The following HID1 variants were observed in gnomAD, a reference collection of about 807,000 sequenced individuals.
HID1 encodes protein HID1.
Under a neutral mutation model 89.7 loss-of-function variants are expected in HID1, and 42 were observed. That is an observed-to-expected ratio of 0.47 (90% CI 0.37 to 0.61). HID1 has a LOEUF of 0.61. Among genes scored for constraint, HID1 ranks in the 20% least tolerant of loss-of-function variants. The pLI, the probability that HID1 is intolerant of heterozygous loss-of-function variation, is 0.00. For missense variants in HID1, 854 were observed against 1,039.3 expected (o/e 0.82, Z 2.45); for synonymous variants, 442 against 433.8 (o/e 1.02, Z -0.24).
In HID1 at chr17:74,958,202, G is replaced by A. The variant is rs1347209901; in HGVS notation, c.1410C>T (p.Ile470=). Residue 470 remains isoleucine (I), a synonymous_variant, in exon 12 of 19, where the codon ATC becomes ATT. Transcript: ENST00000425042. This position sits in a 1 kb window ranked among gnomAD's most constrained non-coding sequence, Gnocchi z 5.2. ...DLLIVVFHKI[I]TSGHQRLQPL... is the part of the protein sequence containing the mutation. ...GCTGCAACCGCTGGTGCCCGCTGGTGATGATCTTGTGGAACACCTGTGCCA... is the reference window on the plus strand; with the variant it reads ...GCTGCAACCGCTGGTGCCCGCTGGTAATGATCTTGTGGAACACCTGTGCCA... 1.9e-6 allele frequency: 3 copies of A among 1,611,248 alleles called. No homozygotes were observed. Among genetic ancestry groups the A allele is most frequent in the Non-Finnish European group, 1.7e-6 (2 of 1,179,028 alleles).
In HID1 at chr17:74,952,062, C is replaced by T; in HGVS notation, c.2146G>A (p.Gly716Ser). Residue 716 changes from glycine (G) to serine (S), a missense_variant and splice_region_variant, in exon 18 of 19, where the codon GGC (glycine) becomes AGC (serine). Coordinates refer to ENST00000425042, the MANE Select transcript of HID1 (RefSeq NM_030630.3). ...AGGATCTCAGACTCATCCGTCAGGC[C>T]CCTGCGGGGAGAGGGGTATCTCCAG... Reference protein sequence around the residue: ...PQVEKICIDKGLTDESEILRF... With the variant: ...PQVEKICIDKSLTDESEILRF... The T allele has an allele frequency of 6.4e-7, 1 of 1,556,314 alleles. No homozygotes were observed. Among genetic ancestry groups the T allele is most frequent in the South Asian group, 1.2e-5 (1 of 84,464 alleles).
At position 74,951,922 on chromosome 17, in the gene HID1, C is replaced by A; in HGVS notation, c.2286G>T (p.Trp762Cys). ...GTAMWFRTYM[W>C]GVIYLRNVDP... ...GGGCCCACCTCAGATAGATGACGCCCCACATGTAGGTGCGGAACCACATGG... is the reference window on the plus strand; with the variant it reads ...GGGCCCACCTCAGATAGATGACGCCACACATGTAGGTGCGGAACCACATGG... Residue 762 changes from tryptophan (W) to cysteine (C), a missense_variant, in exon 18 of 19, where the codon TGG becomes TGT. Trp to Cys is a radical substitution (Grantham distance 215). Transcript: ENST00000425042. 1 of 1,536,440 alleles carries A rather than the reference C, an allele frequency of 6.5e-7. No homozygotes were observed. Among genetic ancestry groups the A allele is most frequent in the East Asian group, 2.3e-5 (1 of 43,256 alleles).
chr17:74,955,421 A>G (rs1361758379), intron 13 of HID1, among the ~76,000 whole-genome samples: 2 of 152,130 alleles, frequency 1.3e-5, no homozygotes, highest in Admixed American at 1.3e-4. Flanking sequence ...GAATTGCATG[A>G]ACCTGGGAGA....
intron 1 of HID1, 85 bp from the exon 2 acceptor site, chr17:74,964,717 T>A: frequency 7.1e-7 from 1 of 1,416,814 alleles, no homozygotes; most frequent in Non-Finnish European, 9.5e-7. Context: ...GGAGAGACCC[T>A]GAGAGGGAAG....
Position 74,962,362 on chromosome 17 carries a change from G to C in HID1, c.505-22C>G, listed in dbSNP as rs560557921. 1.3e-6 allele frequency: 2 copies of C among 1,565,796 alleles called. No homozygotes were observed. The highest frequency in any genetic ancestry group is 2.3e-5 in the East Asian group (1 of 44,132). ...AGTCCTGGGGACAGGCCAGGAAGAA[G>C]CCGGGTTAGGGGGTCGAGAGGTGAA... On this transcript the variant is annotated intron_variant, in intron 4 of 18. Transcript: ENST00000425042. This position sits in a 1 kb window ranked among gnomAD's most constrained non-coding sequence, Gnocchi z 4.3.
chr17:74,965,924 A>T (rs1383956598), intron 1 of HID1, among the ~76,000 whole-genome samples: 2 of 151,640 alleles, frequency 1.3e-5, no homozygotes, highest in East Asian at 1.9e-4. Context: ...TCTCAAAAAA[A>T]AAAAAGTACA....
At position 74,971,163 on chromosome 17, in the gene HID1, G is replaced by C. The variant is rs180680765; in HGVS notation, c.66+1428C>G. 1.4e-4 allele frequency among the ~76,000 whole-genome samples: 21 copies of C among 152,300 alleles called. No individual in the cohort carries two copies. In the East Asian group the frequency reaches 3.9e-3, roughly 28 times the overall value. ...CCCACTGGCCTGGCAAAGGACCCCAGCTGCCGAGCCCACAGTGCAATCCTC... is the reference window on the plus strand; with the variant it reads ...CCCACTGGCCTGGCAAAGGACCCCACCTGCCGAGCCCACAGTGCAATCCTC... On this transcript the variant is annotated intron_variant, in intron 1 of 18. Transcript: ENST00000425042.
chr17:74,960,067 C>T lies in HID1; in HGVS notation c.910G>A (p.Val304Met), dbSNP rs745706726. ...HDSASSASPT[V>M]DGTTTGTAMD... ...GCGGTGCCAGTGGTGGTGCCGTCCA[C>T]AGTGGGGCTGGCACTGCTGGCACTG... The change falls in exon 7 of 19, where the codon GTG becomes ATG. Residue 304 changes from valine to methionine, a missense_variant. Transcript: ENST00000425042. The T allele has an allele frequency of 1.2e-6, 2 of 1,613,822 alleles. No individual in the cohort carries two copies. Among genetic ancestry groups the T allele is most frequent in the East Asian group, 4.5e-5 (2 of 44,882 alleles).
At chr17:74,965,029 T>C (rs7217574) in intron 1 of HID1, among the ~76,000 whole-genome samples, 6,458 of 152,296 alleles carry the variant, frequency 0.042, 403 homozygotes, top group African/African-American at 0.14. Flanking sequence ...CCTCTCTCCA[T>C]GGGAAGAAGA....
rs760553994 is a variant in HID1 at position 74,958,311 on chromosome 17, G to T, written c.1392+16C>A. On this transcript the variant is annotated intron_variant, in intron 11 of 18. Transcript: ENST00000425042. This position sits in a 1 kb window ranked among gnomAD's most constrained non-coding sequence, Gnocchi z 5.2. ...ACCCCTGCACCTCCTGGGCCCGGCC[G>T]CACGAGCCCCCTCACCACAATGAGC... 10 of 1,611,908 alleles carry T rather than the reference G, an allele frequency of 6.2e-6. No individual in the cohort carries two copies. The highest frequency in any genetic ancestry group is 1.3e-5 in the African/African-American group (1 of 74,892).
At position 74,958,526 on chromosome 17, in the gene HID1, A is replaced by G; in HGVS notation, c.1241-48T>C. 1 of 1,573,530 alleles carries G rather than the reference A, an allele frequency of 6.4e-7. No individual in the cohort carries two copies. The highest frequency in any genetic ancestry group is 8.6e-7 in the Non-Finnish European group (1 of 1,159,732). ...GGTCACTCGGGTGGGAGGGGGAAGG[A>G]GGGGCCCAGGCAGTGACCATTTTGG... On this transcript the variant is annotated intron_variant, in intron 10 of 18. Coordinates refer to ENST00000425042, the MANE Select transcript of HID1 (RefSeq NM_030630.3). This position sits in a 1 kb window ranked among gnomAD's most constrained non-coding sequence, Gnocchi z 5.2.
chr17:74,966,224 C>T (rs182646565), intron 1 of HID1, among the ~76,000 whole-genome samples: 82 of 134,902 alleles, frequency 6.1e-4, no homozygotes, highest in African/African-American at 2.3e-3. Flanking sequence ...GCAGAGGTCG[C>T]AGTGAGCCGA....
In HID1 at chr17:74,958,229, G is replaced by A. The variant is rs1466075179; in HGVS notation, c.1393-10C>T. 1 of 1,609,454 alleles carries A rather than the reference G, an allele frequency of 6.2e-7. No homozygotes were observed. Among genetic ancestry groups the A allele is most frequent in the Admixed American group, 1.7e-5 (1 of 59,356 alleles). On this transcript the variant is annotated splice_polypyrimidine_tract_variant and intron_variant, in intron 11 of 18. Transcript: ENST00000425042. This position sits in a 1 kb window ranked among gnomAD's most constrained non-coding sequence, Gnocchi z 5.2. The stretch of plus-strand genomic sequence containing the variant: ...TGATCTTGTGGAACACCTGTGCCAG[G>A]AGGGACAGAGGCACCGTGGGGTCCC...
Position 74,958,567 on chromosome 17 carries a change from G to A in HID1, c.1241-89C>T. The A allele has an allele frequency of 6.3e-7, 1 of 1,586,660 alleles. No homozygotes were observed. The highest frequency in any genetic ancestry group is 8.6e-7 in the Non-Finnish European group (1 of 1,161,686). On this transcript the variant is annotated intron_variant, in intron 10 of 18. Transcript: ENST00000425042. This position sits in a 1 kb window ranked among gnomAD's most constrained non-coding sequence, Gnocchi z 5.2. ...ACCATTTTGGAGGCCTCCCTCCTAG[G>A]AGGTCAGAGTGCCAGGCCTGAGCTC...
At chr17:74,964,057 G>A in intron 2 of HID1, 147 bp from the exon 3 acceptor site, 2 of 765,130 alleles carry the variant, frequency 2.6e-6, no homozygotes, top group Non-Finnish European at 4.2e-6. Flanking sequence ...CACAGGCAGA[G>A]GAGCCACCTG....
At position 74,958,531 on chromosome 17, in the gene HID1, C is replaced by T. The variant is rs903541115; in HGVS notation, c.1241-53G>A. 1 of 1,573,746 alleles carries T rather than the reference C, an allele frequency of 6.4e-7. No homozygotes were observed. Among genetic ancestry groups the T allele is most frequent in the African/African-American group, 1.4e-5 (1 of 73,956 alleles). On this transcript the variant is annotated intron_variant, in intron 10 of 18. Transcript: ENST00000425042. The surrounding 1 kb of genome is among the most constrained non-coding windows in gnomAD (Gnocchi z 5.2). ...CTCGGGTGGGAGGGGGAAGGAGGGG[C>T]CCAGGCAGTGACCATTTTGGAGGCC...
At chr17:74,964,835 C>T (rs1438790918) in intron 1 of HID1, among the ~76,000 whole-genome samples, 1 of 152,204 alleles carries the variant, frequency 6.6e-6, no homozygotes, top group Non-Finnish European at 1.5e-5. Flanking sequence ...AGACACCAGG[C>T]ATGCATGGTC....
Position 74,960,197 on chromosome 17 carries a change from G to T in HID1, c.780C>A (p.Asp260Glu). 1 of 1,613,640 alleles carries T rather than the reference G, an allele frequency of 6.2e-7. No homozygotes were observed. The highest frequency in any genetic ancestry group is 8.5e-7 in the Non-Finnish European group (1 of 1,180,028). ...TSLLNTVCAY[D>E]PVGYGIPYNH... ...TGTAGGGGATCCCGTAGCCCACAGG[G>T]TCATAGGCACACACGGTGTTGAGGA... Residue 260 changes from aspartate to glutamate, a missense_variant, in exon 7 of 19, where the codon GAC becomes GAA. Asp to Glu is a conservative substitution (Grantham distance 45). Transcript: ENST00000425042.
intron 1 of HID1, among the ~76,000 whole-genome samples, chr17:74,969,110 A>G (rs1171603625): frequency 6.6e-6 from 1 of 152,126 alleles, no homozygotes; most frequent in Non-Finnish European, 1.5e-5. Context: ...TTAGGCTTCT[A>G]ATGGGAGAAA....
Sources: allele counts gnomAD v4.1 joint callset (sites outside exome capture counted in the v4.1 genomes callset), GRCh38; gene constraint gnomAD v4.1.1; non-coding constraint Gnocchi (gnomAD v3.1); transcripts MANE v1.5; gene names NCBI Gene and HGNC (gene_info 2026-07-23, HGNC 2026-07-21).